ZMYM1: variants seen among roughly 807,000 people sequenced by gnomAD.
ZMYM1 encodes the protein zinc finger MYM-type containing 1.
ZMYM1 carries 39 observed loss-of-function variants against 60.0 expected under a neutral mutation model. The observed-to-expected ratio is 0.65, with a 90% CI of 0.50 to 0.85. The LOEUF (loss-of-function observed/expected upper bound fraction) is 0.85. Among genes scored for constraint, ZMYM1 ranks in the 40% least tolerant of loss-of-function variants. The pLI is 0.00. For synonymous variants in ZMYM1, 413 were observed against 454.0 expected (o/e 0.91, Z 1.15); for missense variants, 1,171 against 1,309.5 (o/e 0.89, Z 1.63).
At chr1:35,078,471 G>A (rs1642212080), upstream of ZMYM1, among the ~76,000 whole-genome samples, 1 of 142,740 alleles carries the variant, frequency 7.0e-6, no homozygotes, top group Admixed American at 6.8e-5. Context: ...TTTAGGTGTT[G>A]AAAGTATTGT....
At chr1:35,065,931 A>G (rs961159846) in intron 1 of ZMYM1, among the ~76,000 whole-genome samples, 1 of 152,172 alleles carries the variant, frequency 6.6e-6, no homozygotes, top group African/African-American at 2.4e-5. Flanking sequence ...AAAATTCAAC[A>G]ATTTAGGTGA....
At chr1:35,091,246 G>A (rs941676935) in intron 1 of ZMYM1, among the ~76,000 whole-genome samples, 5 of 151,266 alleles carry the variant, frequency 3.3e-5, no homozygotes, top group South Asian at 2.1e-4. Flanking sequence ...ATTTTGAGAC[G>A]GAGTCTCCCA....
At chr1:35,116,125 C>T (rs1013538524), downstream of ZMYM1, among the ~76,000 whole-genome samples, 1 of 151,962 alleles carries the variant, frequency 6.6e-6, no homozygotes, top group Admixed American at 6.6e-5. Context: ...GTCCCAGCTA[C>T]TTGGGAGGCT....
At chr1:35,060,348 C>T (rs935696841) in intron 1 of ZMYM1, among the ~76,000 whole-genome samples, 14 of 151,868 alleles carry the variant, frequency 9.2e-5, no homozygotes, top group Admixed American at 1.3e-4. Flanking sequence ...TTAGTAGAGA[C>T]GGGGTTTCTC....
chr1:35,079,378 G>C (rs909277806), upstream of ZMYM1: 3 of 151,656 alleles, frequency 2.0e-5, no homozygotes, highest in African/African-American at 7.3e-5. Context: ...GGCGGGGTCG[G>C]CGGGGCCGTT....
intron 4 of ZMYM1, among the ~76,000 whole-genome samples, chr1:35,098,490 A>C (rs1216911007): frequency 6.6e-6 from 1 of 152,216 alleles, no homozygotes; most frequent in African/African-American, 2.4e-5. Flanking sequence ...CTTTCAAATA[A>C]TACTTGTTTT....
chr1:35,104,654 G>T lies in ZMYM1; in HGVS notation c.692G>T (p.Cys231Phe), dbSNP rs777448304. The T allele has an allele frequency of 8.1e-6, 13 of 1,614,148 alleles. No individual in the cohort carries two copies. The Admixed American group carries it at 8.3e-5, about 10-fold the overall frequency. The change falls in exon 6 of 10, where the codon TGC becomes TTC. Residue 231 changes from cysteine (C) to phenylalanine (F), a missense_variant. Cys to Phe is a radical substitution (Grantham distance 205). Transcript: ENST00000359858. ...FHSANNFIMN[C>F]CENCGTYCYT... ...TCTGCTAACAACTTCATCATGAACT[G>T]CTGTGAGAACTGTGGCACTTACTGT...
chr1:35,105,126 CTTTTT>C (rs1029051953), intron 6 of ZMYM1, among the ~76,000 whole-genome samples: 2 of 96,580 alleles, frequency 2.1e-5, no homozygotes, highest in Admixed American at 1.2e-4. Flanking sequence ...TTATTTCTTT[CTTTTT>C]TTTTTTTTTT....
chr1:35,110,218 C>T, intron 6 of ZMYM1, 76 bp from the exon 7 acceptor site: 1 of 1,088,164 alleles, frequency 9.2e-7, no homozygotes, highest in East Asian at 2.9e-5. Flanking sequence ...CAACTAAAAG[C>T]AGTGGTAATA....
intron 1 of ZMYM1, among the ~76,000 whole-genome samples, chr1:35,062,355 CTCACAGGAGCAGACCTGTCAT>C (rs1467372278): frequency 6.6e-6 from 1 of 152,218 alleles, no homozygotes; most frequent in Non-Finnish European, 1.5e-5. Flanking sequence ...TGCCTTAAAT[CTCACAGGAGCAGACCTGTCAT>C]GTAAGGAGGT....
At chr1:35,068,651 T>A (rs78468639) in intron 1 of ZMYM1, among the ~76,000 whole-genome samples, 16,533 of 143,498 alleles carry the variant, frequency 0.12, 1,452 homozygotes, top group East Asian at 0.39. Flanking sequence ...AAAAAAAAAA[T>A]ATATATATAT....
intron 1 of ZMYM1, among the ~76,000 whole-genome samples, chr1:35,072,496 C>T (rs1642084558): frequency 7.1e-6 from 1 of 140,242 alleles, no homozygotes; most frequent in Admixed American, 7.6e-5. Flanking sequence ...TTTCAGAAAA[C>T]CAACTCTTCA....
upstream of ZMYM1, among the ~76,000 whole-genome samples, chr1:35,078,316 G>T (rs923243395): frequency 7.9e-5 from 12 of 151,994 alleles, no homozygotes; most frequent in African/African-American, 2.9e-4. Flanking sequence ...CTTCACAAGG[G>T]CCTCAAATTT....
intron 4 of ZMYM1, 116 bp from the exon 5 acceptor site, chr1:35,104,179 G>A: frequency 1.0e-6 from 1 of 958,638 alleles, no homozygotes; most frequent in Non-Finnish European, 1.5e-6. Flanking sequence ...CCAAATTCAG[G>A]TTTTCTTATT....
upstream of ZMYM1, among the ~76,000 whole-genome samples, chr1:35,074,552 G>T (rs1642132025): frequency 6.6e-6 from 1 of 151,928 alleles, no homozygotes; most frequent in Non-Finnish European, 1.5e-5. Flanking sequence ...GGGATTACAG[G>T]CACACGCCAC....
At chr1:35,078,293 G>C (rs1642204504), upstream of ZMYM1, among the ~76,000 whole-genome samples, 1 of 152,040 alleles carries the variant, frequency 6.6e-6, no homozygotes. Context: ...GGCCCTTTTG[G>C]TCTGGACCTC....
At chr1:35,095,928 A>T in intron 3 of ZMYM1, 37 bp downstream of exon 3, 1 of 1,404,738 alleles carries the variant, frequency 7.1e-7, no homozygotes, top group Non-Finnish European at 1.0e-6. Context: ...GTTTATTCAG[A>T]CCAATACGAC....
chr1:35,064,374 C>T (rs1048383544), intron 1 of ZMYM1, among the ~76,000 whole-genome samples: 6 of 149,816 alleles, frequency 4.0e-5, no homozygotes, highest in African/African-American at 7.3e-5. Flanking sequence ...CTTCAACACT[C>T]CTCTCAAAGT....
chr1:35,094,329 G>C (rs1371136390), intron 2 of ZMYM1, among the ~76,000 whole-genome samples: 1 of 152,186 alleles, frequency 6.6e-6, no homozygotes, highest in Non-Finnish European at 1.5e-5. Flanking sequence ...TTAGGGTGTT[G>C]TGGGCCTAGC....
Sources: allele counts gnomAD v4.1 joint callset (sites outside exome capture counted in the v4.1 genomes callset), GRCh38; gene constraint gnomAD v4.1.1; transcripts MANE v1.5; gene names NCBI Gene and HGNC (gene_info 2026-07-23, HGNC 2026-07-21).